EDA: variants seen among roughly 807,000 people sequenced by gnomAD.
EDA encodes the protein ectodysplasin-A.
In EDA, 2 loss-of-function variants were observed where a neutral mutation model predicts 23.6. The observed-to-expected ratio is 0.08, with a 90% CI of 0.03 to 0.27. The LOEUF (loss-of-function observed/expected upper bound fraction) is 0.27. Among genes scored for constraint, EDA ranks in the 10% least tolerant of loss-of-function variants. The pLI is 1.00. For synonymous variants in EDA, 131 were observed against 132.0 expected (o/e 0.99, Z 0.05); for missense variants, 229 against 324.2 (o/e 0.71, Z 2.26).
At chrX:69,872,546 G>T (rs1056065231) in intron 1 of EDA, among the ~76,000 whole-genome samples, 3 of 111,403 alleles carry the variant, frequency 2.7e-5, no homozygotes, top group African/African-American at 9.8e-5. Flanking sequence ...TAGATAAAGG[G>T]GTGGGAAAAG....
intron 1 of EDA, among the ~76,000 whole-genome samples, chrX:69,953,528 C>G (rs769914143): frequency 5.9e-4 from 66 of 111,554 alleles, no homozygotes; most frequent in Non-Finnish European, 1.0e-3. Context: ...AGGTTCTACT[C>G]CTAGGTGTTT....
intron 1 of EDA, among the ~76,000 whole-genome samples, chrX:69,848,548 T>A (rs928672829): frequency 3.6e-5 from 4 of 111,774 alleles, no homozygotes; most frequent in Non-Finnish European, 7.5e-5. Context: ...CCACCTCACT[T>A]ACTTTACTGT....
In EDA at chrX:69,616,198, C is replaced by T; in HGVS notation, c.-111C>T. ...AGCCACTGTCGCGCAGGAACGGGTCCCTGCAGCCCCCAGCCGATGGCAGGA... is the reference window on the plus strand; with the variant it reads ...AGCCACTGTCGCGCAGGAACGGGTCTCTGCAGCCCCCAGCCGATGGCAGGA... On this transcript the variant is annotated 5_prime_UTR_variant, in exon 1 of 8. Coordinates refer to ENST00000374552, the MANE Select transcript of EDA (RefSeq NM_001399.5). The T allele has an allele frequency of 2.1e-6, 2 of 957,445 alleles. No individual in the cohort carries two copies. The highest frequency in any genetic ancestry group is 2.8e-6 in the Non-Finnish European group (2 of 706,549). 78.9% of individuals were successfully genotyped at this position (957,445 alleles called of 1,213,427 possible).
intron 1 of EDA, among the ~76,000 whole-genome samples, chrX:69,800,777 T>C (rs778015114): frequency 2.8e-4 from 31 of 112,072 alleles, no homozygotes; most frequent in Non-Finnish European, 5.8e-4. Context: ...TTTGTTTCTA[T>C]AGAATTTATT....
intron 1 of EDA, among the ~76,000 whole-genome samples, chrX:69,697,791 G>T (rs1188863272): frequency 8.9e-6 from 1 of 112,075 alleles, no homozygotes; most frequent in African/African-American, 3.2e-5. Flanking sequence ...TCCAGGTTTG[G>T]ACTGGTACAT....
At chrX:69,756,228 A>T (rs1215027940) in intron 1 of EDA, among the ~76,000 whole-genome samples, 1 of 112,519 alleles carries the variant, frequency 8.9e-6, no homozygotes, top group East Asian at 2.8e-4. Context: ...CTGAAGAAGT[A>T]ACTCTAAATT....
chrX:69,901,424 G>T (rs2018097084), intron 1 of EDA, among the ~76,000 whole-genome samples: 1 of 112,024 alleles, frequency 8.9e-6, no homozygotes, highest in Non-Finnish European at 1.9e-5. Context: ...GTTAATTACA[G>T]GTTAAGAAGA....
In EDA at chrX:69,639,672, CAT is replaced by C. The variant is rs779312767; in HGVS notation, c.396+22973_396+22974del. Reference sequence around the variant, plus strand: ...ATATTCTAGATATTAACCTCTTATCCATATATGTGATTTGCAAATATTTTCTC... The same window carrying C: ...ATATTCTAGATATTAACCTCTTATCCATATGTGATTTGCAAATATTTTCTC... On this transcript the variant is annotated intron_variant, in intron 1 of 7. Transcript: ENST00000374552. Among the ~76,000 whole-genome samples, 9 of 111,533 alleles carry C rather than the reference CAT, an allele frequency of 8.1e-5. No individual in the cohort carries two copies. In the East Asian group the frequency reaches 2.3e-3, roughly 28 times the overall value.
At chrX:69,838,391 G>A (rs1950629988) in intron 1 of EDA, among the ~76,000 whole-genome samples, 1 of 112,922 alleles carries the variant, frequency 8.9e-6, no homozygotes, top group African/African-American at 3.2e-5. Context: ...ACTTTGGGAG[G>A]CTGAGGCGGG....
At chrX:69,921,489 T>G (rs2018432581) in intron 1 of EDA, among the ~76,000 whole-genome samples, 1 of 110,699 alleles carries the variant, frequency 9.0e-6, no homozygotes, top group Non-Finnish European at 1.9e-5. Context: ...ATTCTAACCT[T>G]CTCTCCTGCT....
chrX:69,793,542 G>A (rs1301209946), intron 1 of EDA, among the ~76,000 whole-genome samples: 2 of 101,350 alleles, frequency 2.0e-5, no homozygotes, highest in Admixed American at 1.1e-4. Context: ...ATGGTTGAAT[G>A]GAGCTTTTTG....
At chrX:69,746,295 C>T (rs892620051) in intron 1 of EDA, among the ~76,000 whole-genome samples, 2 of 111,676 alleles carry the variant, frequency 1.8e-5, no homozygotes, top group Non-Finnish European at 3.8e-5. Context: ...AGGAAGCTGA[C>T]TTGCTCCATT....
At position 69,779,741 on chromosome X, in the gene EDA, C is replaced by T. The variant is rs192573535; in HGVS notation, c.396+163037C>T. On this transcript the variant is annotated intron_variant, in intron 1 of 7. Transcript: ENST00000374552. ...TATGTAAATTTCACCTCAAAGAAAA[C>T]CAAAAACAAACAAACAAAACGAACA... is the stretch of plus-strand genomic sequence containing the variant. 7.2e-5 allele frequency among the ~76,000 whole-genome samples: 8 copies of T among 111,417 alleles called. No individual in the cohort carries two copies. The East Asian group carries it at 2.2e-3, about 31-fold the overall frequency.
intron 1 of EDA, among the ~76,000 whole-genome samples, chrX:69,683,140 C>G (rs764665342): frequency 9.0e-6 from 1 of 111,052 alleles, no homozygotes; most frequent in African/African-American, 3.3e-5. Flanking sequence ...ATTTAAAACA[C>G]AAAAACAGTG....
At chrX:69,933,797 T>G (rs2018634377) in intron 1 of EDA, among the ~76,000 whole-genome samples, 1 of 112,276 alleles carries the variant, frequency 8.9e-6, no homozygotes, top group Non-Finnish European at 1.9e-5. Context: ...ACTGTATGGC[T>G]GGGACTTACT....
Position 70,033,434 on chromosome X carries a change from T to A in EDA, c.830T>A (p.Ile277Asn), listed in dbSNP as rs1274262215. 8.3e-7 allele frequency: 1 copy of A among 1,212,060 alleles called. No homozygotes were observed. The highest frequency in any genetic ancestry group is 1.7e-5 in the African/African-American group (1 of 57,887). The change falls in exon 7 of 8, where the codon ATC becomes AAC. Residue 277 changes from isoleucine (I) to asparagine (N), a missense_variant. Ile to Asn is a moderately radical substitution (Grantham distance 149). Around this residue, in one of 2 missense-constraint regions of EDA, gnomAD observed 175 missense variants for 281.8 expected, o/e 0.62. Transcript: ENST00000374552. ...SGGVLNDWSR[I>N]TMNPKVFKLH... The stretch of plus-strand genomic sequence containing the variant: ...GGAGTGCTCAATGACTGGTCTCGCA[T>A]CACTATGAACCCCAAGGTGTTTAAG...
chrX:69,696,570 A>G (rs2011353511), intron 1 of EDA, among the ~76,000 whole-genome samples: 1 of 111,525 alleles, frequency 9.0e-6, no homozygotes, highest in Non-Finnish European at 1.9e-5. Flanking sequence ...CTTACTAAAA[A>G]CATGTCTTAC....
At chrX:69,890,734 A>G (rs1174539473) in intron 1 of EDA, among the ~76,000 whole-genome samples, 2 of 111,732 alleles carry the variant, frequency 1.8e-5, no homozygotes, top group Non-Finnish European at 3.8e-5. Flanking sequence ...TCCTTACACT[A>G]TATATAAACA....
intron 1 of EDA, among the ~76,000 whole-genome samples, chrX:69,651,013 G>A (rs763409359): frequency 9.0e-6 from 1 of 111,487 alleles, no homozygotes; most frequent in Admixed American, 9.5e-5. Context: ...GATTGTAAAG[G>A]CAGGGGGATC....
Sources: gnomAD v4.1 joint callset for allele counts (sites outside exome capture counted in the v4.1 genomes callset) on GRCh38, gnomAD v4.1.1 for gene constraint, gnomAD v4.1.1 regional missense constraint, MANE v1.5 for transcripts, NCBI Gene and HGNC (gene_info 2026-07-23, HGNC 2026-07-21) for gene names.